Variants in GPSM2 observed in about 807,000 individuals in gnomAD.
GPSM2 encodes G protein signaling modulator 2.
Under a neutral mutation model 78.4 loss-of-function variants are expected in GPSM2, and 58 were observed. That is an observed-to-expected ratio of 0.74 (90% confidence interval 0.60 to 0.92). GPSM2 has a LOEUF of 0.92. Ranked by LOEUF, GPSM2 falls within the 40% of genes least tolerant of loss-of-function variation. The pLI is 0.00. For missense variants in GPSM2, 700 were observed against 815.5 expected, an observed-to-expected ratio of 0.86 and a Z score of 1.73; for synonymous variants, 224 against 280.2, an observed-to-expected ratio of 0.80 and a Z score of 2.00.
chr1:108,897,933 T>C lies in GPSM2; in HGVS notation c.415-26T>C, dbSNP rs1648499043. 1.9e-6 allele frequency: 3 copies of C among 1,611,280 alleles called. No homozygotes were observed. The African/African-American group carries it at 4.0e-5, about 22-fold the overall frequency. On this transcript the variant is annotated intron_variant, in intron 4 of 14. Coordinates refer to ENST00000264126, the MANE Select transcript of GPSM2 (RefSeq NM_013296.5). ...AAACCTGACCTCTGTTTTCAAAATG[T>C]AAACTTTGCTGATGTCTTCATTTAG...
chr1:108,926,230 A>G (rs1651111273), intron 14 of GPSM2: 1 of 152,272 alleles, frequency 6.6e-6, no homozygotes, highest in Non-Finnish European at 1.5e-5. Flanking sequence ...AGTCATGGCC[A>G]GCTGCTTGAG....
intron 2 of GPSM2, among the ~76,000 whole-genome samples, chr1:108,887,615 T>C (rs1161428110): frequency 6.6e-6 from 1 of 152,218 alleles, no homozygotes. Context: ...AGGCACTGCC[T>C]GTTGCAAGCC....
chr1:108,886,461 C>A (rs1647555433), intron 2 of GPSM2, among the ~76,000 whole-genome samples: 1 of 152,034 alleles, frequency 6.6e-6, no homozygotes, highest in African/African-American at 2.4e-5. Context: ...AAGGCACCCA[C>A]ATGCATTCTC....
At chr1:108,907,599 G>A (rs1269701755) in intron 10 of GPSM2, among the ~76,000 whole-genome samples, 2 of 151,818 alleles carry the variant, frequency 1.3e-5, no homozygotes, top group African/African-American at 4.8e-5. Context: ...AAGTAACAAG[G>A]AAATGAAAAC....
chr1:108,901,684 A>G, intron 7 of GPSM2, 106 bp from the exon 8 acceptor site: 2 of 861,798 alleles, frequency 2.3e-6, no homozygotes, highest in Non-Finnish European at 4.0e-6. Flanking sequence ...TCAGAGATTT[A>G]AAGACAGCAG....
chr1:108,891,002 A>C (rs2101361726), intron 2 of GPSM2, among the ~76,000 whole-genome samples: 1 of 152,308 alleles, frequency 6.6e-6, no homozygotes, highest in East Asian at 1.9e-4. Context: ...GGTATTTACA[A>C]ATTAAATCAT....
In GPSM2 at chr1:108,933,852, C is replaced by A. The variant is rs1358572130; in HGVS notation, c.*3912C>A. 6.6e-6 allele frequency: 1 copy of A among 152,096 alleles called. No individual in the cohort carries two copies. The highest frequency in any genetic ancestry group is 1.5e-5 in the Non-Finnish European group (1 of 68,026). 9.4% of individuals were successfully genotyped at this position (152,096 alleles called of 1,614,324 possible). A position where few individuals can be genotyped will look rare whatever the true frequency, so the allele number is the denominator to read the frequency against. Reference sequence around the variant, plus strand: ...ATAGATCTCTAAAAATGCAAACTTCCTATGGACAAGACAATATGATTTGCT... The same window carrying A: ...ATAGATCTCTAAAAATGCAAACTTCATATGGACAAGACAATATGATTTGCT... On this transcript the variant is annotated 3_prime_UTR_variant, in exon 15 of 15. Coordinates refer to ENST00000264126, the MANE Select transcript of GPSM2 (RefSeq NM_013296.5).
At chr1:108,926,745 T>C (rs1296938582) in intron 14 of GPSM2, 2 of 152,154 alleles carry the variant, frequency 1.3e-5, no homozygotes, top group Non-Finnish European at 2.9e-5. Context: ...AAGCCATATA[T>C]GAAACATGTA....
chr1:108,904,033 T>G (rs577496242), intron 9 of GPSM2, 92 bp from the exon 10 acceptor site: 1 of 834,782 alleles, frequency 1.2e-6, no homozygotes, highest in East Asian at 2.7e-5. Flanking sequence ...CTCTATATTT[T>G]CTTCTAGTTT....
chr1:108,888,941 A>G lies in GPSM2; in HGVS notation c.56+3363A>G, dbSNP rs186892717. ...TTAATATACGAAATGCTGCCATCCT[A>G]CCCTTTACATAAATTTCCAGAAACC... On this transcript the variant is annotated intron_variant, in intron 2 of 14. Transcript: ENST00000264126. Among the ~76,000 whole-genome samples the G allele has an allele frequency of 2.7e-3, 410 of 152,248 alleles. 8 individuals carry two copies. Among genetic ancestry groups the G allele is most frequent in the Non-Finnish European group, 5.3e-4 (36 of 68,012 alleles).
intron 11 of GPSM2, among the ~76,000 whole-genome samples, chr1:108,917,302 T>C (rs1650302316): frequency 6.6e-6 from 1 of 151,964 alleles, no homozygotes; most frequent in African/African-American, 2.4e-5. Context: ...GCGCAGTGGC[T>C]CACGCCTGTA....
chr1:108,897,250 A>G lies in GPSM2; in HGVS notation c.278+165A>G, dbSNP rs551237055. Among the ~76,000 whole-genome samples, 4 of 152,340 alleles carry G rather than the reference A, an allele frequency of 2.6e-5. No homozygotes were observed. In the East Asian group the frequency reaches 7.7e-4, roughly 29 times the overall value. Reference sequence around the variant, plus strand: ...TTTAGGCTGAACACAGTTTAATTGAATGAATAGTAGTGAATTGACCCTAGA... The same window carrying G: ...TTTAGGCTGAACACAGTTTAATTGAGTGAATAGTAGTGAATTGACCCTAGA... On this transcript the variant is annotated intron_variant, in intron 3 of 14. Coordinates refer to ENST00000264126, the MANE Select transcript of GPSM2 (RefSeq NM_013296.5).
chr1:108,905,078 GT>G (rs146206831), intron 10 of GPSM2, among the ~76,000 whole-genome samples: 3,828 of 152,242 alleles, frequency 0.025, 162 homozygotes, highest in African/African-American at 0.086. Context: ...AAAGAAATTA[GT>G]GGCTAGTCAT....
At chr1:108,894,624 G>A (rs1210293059) in intron 2 of GPSM2, among the ~76,000 whole-genome samples, 1 of 152,138 alleles carries the variant, frequency 6.6e-6, no homozygotes, top group Non-Finnish European at 1.5e-5. Flanking sequence ...CTTGAACCCA[G>A]GAGGCAGAGG....
In GPSM2 at chr1:108,877,080, C is replaced by G. The variant is rs749825634; in HGVS notation, c.-397C>G. 6.6e-6 allele frequency: 1 copy of G among 152,236 alleles called. No homozygotes were observed. Among genetic ancestry groups the G allele is most frequent in the Non-Finnish European group, 1.5e-5 (1 of 68,060 alleles). 9.4% of individuals were successfully genotyped at this position (152,236 alleles called of 1,614,324 possible). A position where few individuals can be genotyped will look rare whatever the true frequency, so the allele number is the denominator to read the frequency against. On this transcript the variant is annotated 5_prime_UTR_variant, in exon 1 of 15. Coordinates refer to ENST00000264126, the MANE Select transcript of GPSM2 (RefSeq NM_013296.5). Reference sequence around the variant, plus strand: ...GCGAGGGGCGCTACGAGCTCTGGCCCACGTGACCTGCCGGGGGCGGGAGCA... The same window carrying G: ...GCGAGGGGCGCTACGAGCTCTGGCCGACGTGACCTGCCGGGGGCGGGAGCA...
intron 1 of GPSM2, among the ~76,000 whole-genome samples, chr1:108,879,901 GC>G (rs1665814162): frequency 1.3e-5 from 2 of 152,156 alleles, no homozygotes; most frequent in Admixed American, 1.3e-4. Context: ...TACCTTCTCA[GC>G]CTTCTCTTTC....
Position 108,934,429 on chromosome 1 carries a change from C to T in GPSM2, c.*4489C>T, listed in dbSNP as rs538116021. On this transcript the variant is annotated 3_prime_UTR_variant, in exon 15 of 15. Transcript: ENST00000264126. ...TGTCATCTGTTCATCTTAAAATAAA[C>T]ACTTCTTACTTTATGGGATGTAAAT... 2.1e-5 allele frequency: 10 copies of T among 486,956 alleles called. No individual in the cohort carries two copies. The highest frequency in any genetic ancestry group is 3.2e-5 in the Non-Finnish European group (9 of 278,916). 30.2% of individuals were successfully genotyped at this position (486,956 alleles called of 1,614,324 possible).
At chr1:108,902,058 GA>G in intron 8 of GPSM2, 113 bp downstream of exon 8, 1 of 761,094 alleles carries the variant, frequency 1.3e-6, no homozygotes, top group Non-Finnish European at 2.3e-6. Context: ...CCCTTTTAAG[GA>G]ATTTTCTTTC....
rs367879897 is a variant in GPSM2, at chr1:108,903,184, C to T, written c.1012C>T (p.His338Tyr). The T allele has an allele frequency of 6.2e-7, 1 of 1,610,860 alleles. No homozygotes were observed. The highest frequency in any genetic ancestry group is 1.3e-5 in the African/African-American group (1 of 74,830). Reference protein sequence around the residue: ...LGNAYTALGNHDQAMHFAEKH... With the variant: ...LGNAYTALGNYDQAMHFAEKH... Reference sequence around the variant, plus strand: ...AAATGCATACACAGCACTAGGAAATCATGATCAAGCAATGCATTTTGCTGA... The same window carrying T: ...AAATGCATACACAGCACTAGGAAATTATGATCAAGCAATGCATTTTGCTGA... Residue 338 changes from histidine to tyrosine, a missense_variant, in exon 9 of 15, where the codon CAT becomes TAT. His to Tyr is a moderately conservative substitution (Grantham distance 83). Transcript: ENST00000264126.
Sources: gnomAD v4.1 joint callset for allele counts (sites outside exome capture counted in the v4.1 genomes callset) on GRCh38, gnomAD v4.1.1 for gene constraint, MANE v1.5 for transcripts, NCBI Gene and HGNC (gene_info 2026-07-23, HGNC 2026-07-21) for gene names.